The following KCNN2 variants were observed in gnomAD, a reference collection of about 807,000 sequenced individuals.
KCNN2 encodes potassium calcium-activated channel subfamily N member 2, also known as small conductance calcium-activated potassium channel protein 2.
In KCNN2, 24 loss-of-function variants were observed where a neutral mutation model predicts 55.5. The observed-to-expected ratio is 0.43, with a 90% confidence interval of 0.31 to 0.61. The LOEUF is 0.61. KCNN2 is among the 20% of genes least tolerant of loss of function. The pLI, the probability that KCNN2 is intolerant of heterozygous loss-of-function variation, is 0.08. For synonymous variants in KCNN2, 431 were observed against 336.1 expected, an observed-to-expected ratio of 1.28 and a Z score of -3.09; for missense variants, 754 against 853.6, an observed-to-expected ratio of 0.88 and a Z score of 1.45.
chr5:114,444,485 C>G (rs1250916921), intron 3 of KCNN2, among the ~76,000 whole-genome samples: 2 of 152,028 alleles, frequency 1.3e-5, no homozygotes, highest in Admixed American at 6.6e-5. Flanking sequence ...GCTTAGGGTG[C>G]AAGTTCAGGA....
At chr5:114,369,927 G>A (rs1021805419) in intron 2 of KCNN2, among the ~76,000 whole-genome samples, 6 of 152,032 alleles carry the variant, frequency 3.9e-5, no homozygotes, top group South Asian at 2.1e-4. Context: ...CCCAAACCAC[G>A]TTTGGCAGGG....
intron 3 of KCNN2, among the ~76,000 whole-genome samples, chr5:114,456,477 A>G (rs913977398): frequency 6.6e-6 from 1 of 152,260 alleles, no homozygotes; most frequent in African/African-American, 2.4e-5. Flanking sequence ...ATGGAGATGG[A>G]CAAGATTAGT....
intron 3 of KCNN2, among the ~76,000 whole-genome samples, chr5:114,417,172 A>G (rs930581999): frequency 6.6e-6 from 1 of 152,240 alleles, no homozygotes; most frequent in Non-Finnish European, 1.5e-5. Flanking sequence ...TTTTTGTCCC[A>G]GAGGACATAA....
chr5:114,210,480 G>T (rs1753861246), intron 1 of KCNN2, among the ~76,000 whole-genome samples: 1 of 152,098 alleles, frequency 6.6e-6, no homozygotes, highest in Admixed American at 6.6e-5. Context: ...CAAATAATGA[G>T]AATTCACTGT....
At chr5:114,058,003 AATTTCAAC>A (rs938709618) in intron 1 of KCNN2, among the ~76,000 whole-genome samples, 1 of 152,206 alleles carries the variant, frequency 6.6e-6, no homozygotes, top group Admixed American at 6.5e-5. Flanking sequence ...GTTATATCCT[AATTTCAAC>A]ATTTGAACAT....
rs770668211 is a variant in KCNN2, at chr5:114,190,877, C to A, written c.-270-30603C>A. 3.3e-5 allele frequency among the ~76,000 whole-genome samples: 5 copies of A among 152,116 alleles called. No individual in the cohort carries two copies. In the East Asian group the frequency reaches 9.7e-4, roughly 29 times the overall value. ...TTTTTATTAGATATTGATTGGGGAA[C>A]GGTTATAGGTTAAGAAGCTGTAATT... is the stretch of plus-strand genomic sequence containing the variant. On this transcript the variant is annotated intron_variant, in intron 1 of 10. Coordinates refer to the KCNN2 transcript ENST00000512097.
chr5:114,395,971 G>A (rs1350052125), intron 2 of KCNN2, among the ~76,000 whole-genome samples: 2 of 152,148 alleles, frequency 1.3e-5, no homozygotes, highest in Admixed American at 1.3e-4. Context: ...TACTTCAGTA[G>A]TCCAGACTTC....
chr5:114,398,817 T>A (rs1758698133), intron 2 of KCNN2, among the ~76,000 whole-genome samples: 1 of 152,276 alleles, frequency 6.6e-6, no homozygotes, highest in South Asian at 2.1e-4. Context: ...ATGAATGGGA[T>A]TGTGTTCTTG....
chr5:114,264,856 C>T (rs1755177875), intron 2 of KCNN2, among the ~76,000 whole-genome samples: 1 of 152,232 alleles, frequency 6.6e-6, no homozygotes, highest in Non-Finnish European at 1.5e-5. Flanking sequence ...TCCCAGGAAG[C>T]CTGCTGTCCT....
chr5:114,238,868 G>T (rs1359473441), intron 2 of KCNN2, among the ~76,000 whole-genome samples: 2 of 152,078 alleles, frequency 1.3e-5, no homozygotes, highest in Non-Finnish European at 2.9e-5. Context: ...AGATGAAGGA[G>T]AACAGGGTAC....
Position 114,362,930 on chromosome 5 carries a change from C to G in KCNN2, c.791C>G (p.Ala264Gly), listed in dbSNP as rs762137056. Residue 264 changes from alanine to glycine, a missense_variant, in exon 1 of 8, where the codon GCC becomes GGC. By Grantham distance (60) the Ala-to-Gly change is moderately conservative. Coordinates refer to ENST00000673685, the MANE Select transcript of KCNN2 (RefSeq NM_021614.4). Reference sequence around the variant, plus strand: ...GGCGGCGCGTCCTCCCCGTCTGCAGCCGCTGCCGCCGCCGCCGCTGTTTCG... The same window carrying G: ...GGCGGCGCGTCCTCCCCGTCTGCAGGCGCTGCCGCCGCCGCCGCTGTTTCG... ...GGGGASSPSA[A>G]AAAAAAVSSS... 5.8e-6 allele frequency: 9 copies of G among 1,551,262 alleles called. No homozygotes were observed. In the African/African-American group the frequency reaches 1.0e-4, roughly 18 times the overall value.
At chr5:114,206,275 A>G (rs540754316) in intron 1 of KCNN2, among the ~76,000 whole-genome samples, 96 of 152,320 alleles carry the variant, frequency 6.3e-4, no homozygotes, top group Middle Eastern at 3.4e-3. Flanking sequence ...TAAGTCCTAC[A>G]TAGTATCTAG....
intron 1 of KCNN2, among the ~76,000 whole-genome samples, chr5:114,119,947 A>C (rs1270733662): frequency 6.6e-6 from 1 of 152,098 alleles, no homozygotes; most frequent in Non-Finnish European, 1.5e-5. Flanking sequence ...CCATTAGGAG[A>C]TGGAAAGTCA....
At chr5:114,346,856 A>C (rs533697874) in intron 2 of KCNN2, among the ~76,000 whole-genome samples, 1 of 152,212 alleles carries the variant, frequency 6.6e-6, no homozygotes, top group African/African-American at 2.4e-5. Flanking sequence ...TAAGCCTCGA[A>C]CATCTTGTGA....
At position 114,235,871 on chromosome 5, in the gene KCNN2, CTG is replaced by C. The variant is rs146895658; in HGVS notation, c.-185+14307_-185+14308del. On this transcript the variant is annotated intron_variant, in intron 2 of 10. Transcript: ENST00000512097. Reference sequence around the variant, plus strand: ...CTAACACTCACAGCTGATGAGGAAACTGAGTATGAAAACGGCTGGATGATTTG... The same window carrying C: ...CTAACACTCACAGCTGATGAGGAAACAGTATGAAAACGGCTGGATGATTTG... Among the ~76,000 whole-genome samples, 67 of 152,292 alleles carry C rather than the reference CTG, an allele frequency of 4.4e-4. No individual in the cohort carries two copies. In the East Asian group the frequency reaches 0.011, roughly 25 times the overall value.
intron 2 of KCNN2, among the ~76,000 whole-genome samples, chr5:114,369,679 A>G (rs1451239743): frequency 6.6e-6 from 1 of 152,136 alleles, no homozygotes; most frequent in Non-Finnish European, 1.5e-5. Flanking sequence ...CTTTGTGTAT[A>G]CACTGTAGTA....
intron 1 of KCNN2, among the ~76,000 whole-genome samples, chr5:114,130,189 G>C (rs1752042849): frequency 6.6e-6 from 1 of 152,078 alleles, no homozygotes; most frequent in Non-Finnish European, 1.5e-5. Flanking sequence ...TGTTTTACAA[G>C]CTATTTATTT....
intron 3 of KCNN2, among the ~76,000 whole-genome samples, chr5:114,441,489 G>A (rs1482372234): frequency 6.6e-6 from 1 of 152,074 alleles, no homozygotes; most frequent in Non-Finnish European, 1.5e-5. Context: ...TGTTCTCAGA[G>A]AACAATGCAG....
intron 1 of KCNN2, among the ~76,000 whole-genome samples, chr5:114,091,837 C>T (rs1751149965): frequency 6.6e-6 from 1 of 152,126 alleles, no homozygotes; most frequent in Non-Finnish European, 1.5e-5. Context: ...AAAACTGCTT[C>T]CGTGATTCAC....
Sources: allele counts gnomAD v4.1 joint callset (sites outside exome capture counted in the v4.1 genomes callset), GRCh38; gene constraint gnomAD v4.1.1; transcripts MANE v1.5; gene names NCBI Gene and HGNC (gene_info 2026-07-23, HGNC 2026-07-21).